ALK: variants seen among roughly 807,000 people sequenced by gnomAD.
ALK encodes ALK tyrosine kinase receptor.
Under a neutral mutation model 163.1 loss-of-function variants are expected in ALK, and 74 were observed. The observed-to-expected ratio is 0.45, with a 90% CI of 0.38 to 0.55. The LOEUF is 0.55. Ranked by LOEUF, ALK falls within the 20% of genes least tolerant of loss-of-function variation. The probability of loss-of-function intolerance (pLI) is 0.00; values close to 1 mark genes in which losing one functional copy is unlikely to be tolerated. For missense variants in ALK, 2,063 were observed against 2,105.3 expected, an observed-to-expected ratio of 0.98 and a Z score of 0.39; for synonymous variants, 960 against 843.2, an observed-to-expected ratio of 1.14 and a Z score of -2.40.
intron 3 of ALK, among the ~76,000 whole-genome samples, chr2:29,614,718 C>A (rs1675793195): frequency 6.6e-6 from 1 of 152,196 alleles, no homozygotes; most frequent in African/African-American, 2.4e-5. Flanking sequence ...TCCCCCAGGT[C>A]ATGTCTGATT....
intron 1 of ALK, among the ~76,000 whole-genome samples, chr2:29,893,182 G>T (rs1249173026): frequency 6.6e-6 from 1 of 152,012 alleles, no homozygotes; most frequent in Non-Finnish European, 1.5e-5. Flanking sequence ...CCTGGCCCTG[G>T]GATTTCAGCC....
At chr2:29,454,002 C>A (rs750576044) in intron 4 of ALK, among the ~76,000 whole-genome samples, 2 of 152,098 alleles carry the variant, frequency 1.3e-5, no homozygotes. Context: ...CAGTGCTCCC[C>A]CAAAAGAGTT....
At chr2:29,220,571 C>G (rs1041769073) in intron 23 of ALK, 135 bp downstream of exon 23, 1 of 1,236,548 alleles carries the variant, frequency 8.1e-7, no homozygotes, top group Non-Finnish European at 1.1e-6. Context: ...AGTCAGTCAC[C>G]CCCCTGTCCA....
intron 5 of ALK, among the ~76,000 whole-genome samples, chr2:29,362,232 G>A (rs1467244136): frequency 6.6e-6 from 1 of 152,156 alleles, no homozygotes; most frequent in African/African-American, 2.4e-5. Context: ...GGGAGGTAAT[G>A]GGAAGAAGTT....
chr2:29,269,617 G>A (rs1002073136), intron 11 of ALK, among the ~76,000 whole-genome samples: 4 of 152,158 alleles, frequency 2.6e-5, no homozygotes, highest in South Asian at 4.1e-4. Flanking sequence ...TACTTCCTGC[G>A]TCATCACTAG....
intron 3 of ALK, among the ~76,000 whole-genome samples, chr2:29,608,973 G>C (rs1675614964): frequency 6.6e-6 from 1 of 152,146 alleles, no homozygotes; most frequent in Admixed American, 6.5e-5. Context: ...CATTCAGGCT[G>C]GGTGCAGTGG....
At chr2:29,669,985 G>C (rs1374832082) in intron 3 of ALK, among the ~76,000 whole-genome samples, 3 of 151,962 alleles carry the variant, frequency 2.0e-5, no homozygotes, top group Non-Finnish European at 4.4e-5. Context: ...ACAGGTTGCT[G>C]TAGCTATTAT....
intron 3 of ALK, among the ~76,000 whole-genome samples, chr2:29,557,033 G>A (rs1673881086): frequency 6.6e-6 from 1 of 152,094 alleles, no homozygotes; most frequent in South Asian, 2.1e-4. Flanking sequence ...AAAGAAAGTG[G>A]TCTGTCTATG....
At chr2:29,330,371 G>A (rs981309374) in intron 5 of ALK, among the ~76,000 whole-genome samples, 4 of 152,156 alleles carry the variant, frequency 2.6e-5, no homozygotes, top group Non-Finnish European at 4.4e-5. Context: ...ACACTGCCTG[G>A]CACAATCCTC....
intron 1 of ALK, among the ~76,000 whole-genome samples, chr2:29,763,199 A>G (rs2148338668): frequency 6.6e-6 from 1 of 152,146 alleles, no homozygotes; most frequent in Admixed American, 6.5e-5. Context: ...CCTTTGCCAG[A>G]CCTCAATTTC....
At chr2:29,360,448 G>A (rs535682574) in intron 5 of ALK, among the ~76,000 whole-genome samples, 1 of 152,198 alleles carries the variant, frequency 6.6e-6, no homozygotes, top group Non-Finnish European at 1.5e-5. Flanking sequence ...GAAGTGCAGA[G>A]ATAGCACATT....
intron 4 of ALK, among the ~76,000 whole-genome samples, chr2:29,530,034 G>C (rs901974592): frequency 2.0e-5 from 3 of 147,778 alleles, no homozygotes; most frequent in Middle Eastern, 7.0e-3. Flanking sequence ...CATTTGTCTT[G>C]AAGGATCAAA....
At chr2:29,580,873 C>A (rs569610940) in intron 3 of ALK, among the ~76,000 whole-genome samples, 18 of 152,326 alleles carry the variant, frequency 1.2e-4, no homozygotes, top group African/African-American at 3.8e-4. Flanking sequence ...TGAGGGACGG[C>A]TCCTATGCCC....
chr2:29,283,014 G>A (rs1474867280), intron 9 of ALK, among the ~76,000 whole-genome samples: 1 of 152,134 alleles, frequency 6.6e-6, no homozygotes, highest in Non-Finnish European at 1.5e-5. Context: ...CTGGGCCCTG[G>A]GTTTTGATGA....
chr2:29,884,503 C>T (rs1666941865), intron 1 of ALK, among the ~76,000 whole-genome samples: 1 of 152,248 alleles, frequency 6.6e-6, no homozygotes, highest in African/African-American at 2.4e-5. Flanking sequence ...GCTACACCTG[C>T]AGGCATAAAA....
chr2:29,652,790 G>A (rs1445864023), intron 3 of ALK, among the ~76,000 whole-genome samples: 3 of 152,098 alleles, frequency 2.0e-5, no homozygotes, highest in Admixed American at 6.5e-5. Context: ...GGAACTTCCT[G>A]GAGGTGTCAC....
intron 3 of ALK, among the ~76,000 whole-genome samples, chr2:29,544,718 G>T (rs1476947397): frequency 6.6e-6 from 1 of 151,784 alleles, no homozygotes; most frequent in Non-Finnish European, 1.5e-5. Flanking sequence ...TAAGACCTCA[G>T]CTCCTTCTGG....
At chr2:29,717,121 G>A (rs1261890270) in intron 2 of ALK, among the ~76,000 whole-genome samples, 8 of 139,320 alleles carry the variant, frequency 5.7e-5, no homozygotes, top group Admixed American at 2.4e-4. Context: ...GCAGTGGGCC[G>A]AGATCGTGCC....
Position 29,830,595 on chromosome 2 carries a change from A to G in ALK, c.667+89398T>C, listed in dbSNP as rs1406667567. Among the ~76,000 whole-genome samples the G allele has an allele frequency of 3.3e-5, 5 of 151,600 alleles. 2 individuals carry two copies. The highest frequency in any genetic ancestry group is 7.4e-5 in the Non-Finnish European group (5 of 67,932). ...GTTAGAAATGCAGAATACATTGGGC[A>G]TGGTGGCTCGTACCTGTAATCCCAG... On this transcript the variant is annotated intron_variant, in intron 1 of 28. Coordinates refer to ENST00000389048, the MANE Select transcript of ALK (RefSeq NM_004304.5).
Sources: allele counts gnomAD v4.1 joint callset (sites outside exome capture counted in the v4.1 genomes callset), GRCh38; gene constraint gnomAD v4.1.1; transcripts MANE v1.5; gene names NCBI Gene and HGNC (gene_info 2026-07-23, HGNC 2026-07-21).